Variants in VMP1 observed in about 807,000 individuals in gnomAD.
The protein encoded by VMP1 is ectopic P-granules autophagy protein 3 homolog.
VMP1 carries 11 observed loss-of-function variants against 56.0 expected under a neutral mutation model. The observed-to-expected ratio is 0.20, with a 90% CI of 0.12 to 0.32. The LOEUF is 0.32. Ranked by LOEUF, VMP1 falls within the 10% of genes least tolerant of loss-of-function variation. VMP1 has a pLI of 1.00. For missense variants in VMP1, 296 were observed against 490.3 expected, an observed-to-expected ratio of 0.60 and a Z score of 3.74; for synonymous variants, 149 against 165.0, an observed-to-expected ratio of 0.90 and a Z score of 0.74.
At chr17:59,821,616 G>T (rs1431910359) in intron 10 of VMP1, among the ~76,000 whole-genome samples, 2 of 146,888 alleles carry the variant, frequency 1.4e-5, no homozygotes, top group Non-Finnish European at 3.0e-5. Context: ...TGCGATCTCA[G>T]ATCTCGACTC....
chr17:59,736,642 G>T (rs1208819329), intron 3 of VMP1, among the ~76,000 whole-genome samples: 4 of 151,134 alleles, frequency 2.6e-5, no homozygotes, highest in Admixed American at 6.6e-5. Flanking sequence ...AACTTGGGAG[G>T]CTGAGGCAGG....
At chr17:59,827,251 A>G (rs2038671510) in intron 10 of VMP1, among the ~76,000 whole-genome samples, 1 of 151,900 alleles carries the variant, frequency 6.6e-6, no homozygotes, top group African/African-American at 2.4e-5. Flanking sequence ...CAGCCTCCCC[A>G]AATGCTGGGA....
chr17:59,710,543 A>G (rs2033877264), intron 1 of VMP1, among the ~76,000 whole-genome samples: 1 of 152,228 alleles, frequency 6.6e-6, no homozygotes, highest in African/African-American at 2.4e-5. Context: ...CCTTATTTAC[A>G]AACTTTTTTT....
Position 59,801,090 on chromosome 17 carries a change from A to AT in VMP1, c.715-7706_715-7705insT, listed in dbSNP as rs1455087681. On this transcript the variant is annotated intron_variant, in intron 7 of 11. Transcript: ENST00000262291. ...GCAAGACTCCATCTCGAAAAAAAAA[A>AT]AATATATATATATATATATATATGT... Among the ~76,000 whole-genome samples, 745 of 117,036 alleles carry AT rather than the reference A, an allele frequency of 6.4e-3. 11 individuals are homozygous for AT. Among genetic ancestry groups the AT allele is most frequent in the African/African-American group, 0.011 (275 of 24,240 alleles). 76.8% of individuals were successfully genotyped at this position (117,036 alleles called of 152,430 possible). A position where few individuals can be genotyped will look rare whatever the true frequency, so the allele number is the denominator to read the frequency against.
chr17:59,764,439 C>T (rs2036163383), intron 5 of VMP1, among the ~76,000 whole-genome samples: 1 of 152,060 alleles, frequency 6.6e-6, no homozygotes, highest in East Asian at 1.9e-4. Flanking sequence ...AGCAATGCCT[C>T]CTACCTCCTG....
chr17:59,817,215 G>C (rs1292067333), intron 9 of VMP1, among the ~76,000 whole-genome samples: 1 of 143,266 alleles, frequency 7.0e-6, no homozygotes, highest in Non-Finnish European at 1.5e-5. Context: ...CGGAGGTTGC[G>C]GTGAGTTGAG....
At chr17:59,741,704 T>C (rs756671676) in intron 5 of VMP1, among the ~76,000 whole-genome samples, 7 of 152,156 alleles carry the variant, frequency 4.6e-5, no homozygotes, top group Non-Finnish European at 8.8e-5. Context: ...AATTAACATA[T>C]TCTTTATCTC....
chr17:59,731,401 A>G lies in VMP1; in HGVS notation c.-26-20A>G, dbSNP rs766131321. 7.1e-5 allele frequency: 105 copies of G among 1,485,832 alleles called. No individual in the cohort carries two copies. The highest frequency in any genetic ancestry group is 9.3e-5 in the Non-Finnish European group (102 of 1,091,364). 92.0% of individuals were successfully genotyped at this position (1,485,832 alleles called of 1,614,324 possible). ...GCAGAAGTTTGTAATGTATTGCTGG[A>G]TTTTATTTTGCTGTATTAGCTCCTC... On this transcript the variant is annotated intron_variant, in intron 1 of 11. Transcript: ENST00000262291.
intron 5 of VMP1, among the ~76,000 whole-genome samples, chr17:59,754,087 G>A (rs937142701): frequency 2.0e-5 from 3 of 152,068 alleles, no homozygotes; most frequent in Non-Finnish European, 4.4e-5. Flanking sequence ...AAGATTCAGA[G>A]CCTGTTTCTG....
intron 1 of VMP1, 57 bp from the exon 2 acceptor site, chr17:59,731,364 C>A: frequency 9.6e-7 from 1 of 1,037,696 alleles, no homozygotes; most frequent in Non-Finnish European, 1.4e-6. Context: ...TTTATTCAGT[C>A]ACAGCTACAC....
At chr17:59,713,524 TAGGG>T (rs1434000617) in intron 1 of VMP1, among the ~76,000 whole-genome samples, 1 of 151,338 alleles carries the variant, frequency 6.6e-6, no homozygotes, top group Non-Finnish European at 1.5e-5. Flanking sequence ...CCTGGGGAGA[TAGGG>T]AGAGGAGAGG....
chr17:59,820,345 T>C (rs751720524), intron 10 of VMP1, among the ~76,000 whole-genome samples: 31 of 152,206 alleles, frequency 2.0e-4, no homozygotes, highest in African/African-American at 6.5e-4. Context: ...AATTACTTGT[T>C]ATGGGGAACT....
At chr17:59,838,217 G>C (rs2039045171) in intron 10 of VMP1, 78 bp from the exon 11 acceptor site, 2 of 1,216,716 alleles carry the variant, frequency 1.6e-6, no homozygotes, top group Non-Finnish European at 2.4e-6. Flanking sequence ...CAGGTGGTAA[G>C]TACATTTTCT....
chr17:59,722,312 T>C (rs1017136933), intron 1 of VMP1, among the ~76,000 whole-genome samples: 1 of 152,228 alleles, frequency 6.6e-6, no homozygotes, highest in South Asian at 2.1e-4. Context: ...GTAATCATGA[T>C]GCTGTGTGCC....
intron 5 of VMP1, among the ~76,000 whole-genome samples, chr17:59,764,256 T>A (rs1439611701): frequency 6.6e-6 from 1 of 152,042 alleles, no homozygotes; most frequent in African/African-American, 2.4e-5. Context: ...AAAATAAAAG[T>A]CAAGCAAGGA....
At chr17:59,797,606 G>A (rs2037489888) in intron 7 of VMP1, among the ~76,000 whole-genome samples, 1 of 152,232 alleles carries the variant, frequency 6.6e-6, no homozygotes. Flanking sequence ...GCCAGGCACA[G>A]TGGCTCACGC....
intron 5 of VMP1, among the ~76,000 whole-genome samples, chr17:59,763,304 G>A (rs1415194857): frequency 2.6e-5 from 4 of 151,918 alleles, no homozygotes; most frequent in Non-Finnish European, 5.9e-5. Context: ...TCTCTTGTGT[G>A]CACCTGGCAT....
At chr17:59,721,110 C>G (rs2034378942) in intron 1 of VMP1, among the ~76,000 whole-genome samples, 1 of 152,106 alleles carries the variant, frequency 6.6e-6, no homozygotes, top group African/African-American at 2.4e-5. Context: ...CTTTGGGAGG[C>G]CAAGGTGGGC....
In VMP1 at chr17:59,737,470, G is replaced by A. The variant is rs371717717; in HGVS notation, c.230G>A (p.Ser77Asn). Residue 77 changes from serine to asparagine, a missense_variant, in exon 4 of 12, where the codon AGC becomes AAC. Ser to Asn is a conservative substitution (Grantham distance 46, BLOSUM62 1). Coordinates refer to ENST00000262291, the MANE Select transcript of VMP1 (RefSeq NM_030938.5). Reference sequence around the variant, plus strand: ...TTTTTAAGATTATGGCATCGTCAAAGCATTGTGGTGTCTTTTTTACTGCTG... The same window carrying A: ...TTTTTAAGATTATGGCATCGTCAAAACATTGTGGTGTCTTTTTTACTGCTG... ...EWTSKLWHRQ[S>N]IVVSFLLLLA... 18 of 1,611,380 alleles carry A rather than the reference G, an allele frequency of 1.1e-5. No individual in the cohort carries two copies. Among genetic ancestry groups the A allele is most frequent in the Middle Eastern group, 1.7e-4 (1 of 6,054 alleles).
Sources: gnomAD v4.1 joint callset for allele counts (sites outside exome capture counted in the v4.1 genomes callset) on GRCh38, gnomAD v4.1.1 for gene constraint, MANE v1.5 for transcripts, NCBI Gene and HGNC (gene_info 2026-07-23, HGNC 2026-07-21) for gene names.